The following RGS6 variants were observed in gnomAD, a reference collection of about 807,000 sequenced individuals.
RGS6 encodes the protein regulator of G-protein signaling 6.
RGS6 carries 30 observed loss-of-function variants against 78.5 expected under a neutral mutation model. That is an observed-to-expected ratio of 0.38 (90% CI 0.29 to 0.52). The LOEUF (loss-of-function observed/expected upper bound fraction) is 0.52, where lower values mean the gene tolerates loss of function less well. Ranked by LOEUF, RGS6 falls within the 20% of genes least tolerant of loss-of-function variation. The pLI, the probability that RGS6 is intolerant of heterozygous loss-of-function variation, is 0.85. For synonymous variants in RGS6, 206 were observed against 206.0 expected (o/e 1.00, Z 0.00); for missense variants, 495 against 609.7 (o/e 0.81, Z 1.98).
chr14:72,231,155 G>A (rs1243793099), intron 2 of RGS6, among the ~76,000 whole-genome samples: 1 of 152,196 alleles, frequency 6.6e-6, no homozygotes, highest in Non-Finnish European at 1.5e-5. Context: ...CCTCAGGGTT[G>A]TGGCTGGACT....
chr14:72,412,536 T>C (rs2093497024), intron 3 of RGS6, among the ~76,000 whole-genome samples: 1 of 152,214 alleles, frequency 6.6e-6, no homozygotes, highest in African/African-American at 2.4e-5. Context: ...TTCATTTATT[T>C]TTTTGAAGGG....
chr14:72,151,226 A>G (rs1408039953), intron 2 of RGS6, among the ~76,000 whole-genome samples: 3 of 152,164 alleles, frequency 2.0e-5, no homozygotes, highest in Non-Finnish European at 4.4e-5. Flanking sequence ...AGTCTCTGTT[A>G]TGGTAAATAG....
At chr14:72,403,444 C>G (rs1453579040) in intron 3 of RGS6, among the ~76,000 whole-genome samples, 3 of 152,070 alleles carry the variant, frequency 2.0e-5, no homozygotes, top group Non-Finnish European at 2.9e-5. Context: ...TTATTAGAAA[C>G]TGAGAAGGGT....
intron 3 of RGS6, among the ~76,000 whole-genome samples, chr14:72,430,155 A>G (rs900565875): frequency 6.6e-6 from 1 of 152,208 alleles, no homozygotes; most frequent in Non-Finnish European, 1.5e-5. Flanking sequence ...CAAAGTACAT[A>G]TAGCTCTCAA....
intron 12 of RGS6, among the ~76,000 whole-genome samples, chr14:72,490,591 A>G (rs996998876): frequency 7.2e-5 from 11 of 152,198 alleles, no homozygotes; most frequent in Admixed American, 2.6e-4. Flanking sequence ...TTCTATCACA[A>G]TGGTCCTGAG....
At chr14:71,967,507 A>G (rs1490068358) in intron 2 of RGS6, among the ~76,000 whole-genome samples, 2 of 152,316 alleles carry the variant, frequency 1.3e-5, no homozygotes, top group Non-Finnish European at 1.5e-5. Flanking sequence ...TGACAATTCA[A>G]AGCATTTTCT....
At chr14:71,875,274 T>C in the RGS6 span, among the ~76,000 whole-genome samples, 3 of 152,082 alleles carry the variant, frequency 2.0e-5, no homozygotes, top group African/African-American at 7.2e-5. Flanking sequence ...CATCTGGTCC[T>C]GGACTTTTTT....
chr14:72,306,435 A>G (rs2067260397), intron 2 of RGS6, among the ~76,000 whole-genome samples: 1 of 152,212 alleles, frequency 6.6e-6, no homozygotes, highest in African/African-American at 2.4e-5. Context: ...ATACTTTGTG[A>G]GGCTATAGCT....
At chr14:72,091,539 C>CT (rs760981515) in intron 2 of RGS6, among the ~76,000 whole-genome samples, 3 of 152,198 alleles carry the variant, frequency 2.0e-5, no homozygotes, top group Non-Finnish European at 4.4e-5. Flanking sequence ...CTGAGGTTGA[C>CT]TTTGAGAAGG....
At chr14:72,287,078 C>T (rs1306797476) in intron 2 of RGS6, among the ~76,000 whole-genome samples, 3 of 152,222 alleles carry the variant, frequency 2.0e-5, no homozygotes, top group Non-Finnish European at 4.4e-5. Flanking sequence ...ACTACCACAC[C>T]TGACCAGGAT....
Position 72,448,295 on chromosome 14 carries a change from G to A in RGS6, c.185-6233G>A, listed in dbSNP as rs79868501. On this transcript the variant is annotated intron_variant, in intron 3 of 17. Coordinates refer to ENST00000553525, the MANE Select transcript of RGS6 (RefSeq NM_001204424.2). ...AGCAAGTGAGTGTGAAATTTGCCACGCTTTTCCTTGGAAAAACTCAAGCCC... is the reference window on the plus strand; with the variant it reads ...AGCAAGTGAGTGTGAAATTTGCCACACTTTTCCTTGGAAAAACTCAAGCCC... Among the ~76,000 whole-genome samples the A allele has an allele frequency of 2.6e-3, 400 of 152,210 alleles. 2 individuals are homozygous for A. The highest frequency in any genetic ancestry group is 9.3e-3 in the African/African-American group (388 of 41,536).
At chr14:72,479,028 A>G (rs965863806) in intron 12 of RGS6, among the ~76,000 whole-genome samples, 11 of 152,230 alleles carry the variant, frequency 7.2e-5, no homozygotes, top group African/African-American at 2.7e-4. Flanking sequence ...TTATTCATCC[A>G]TATGCTACCG....
intron 2 of RGS6, among the ~76,000 whole-genome samples, chr14:71,987,625 A>G (rs1230366621): frequency 1.3e-5 from 2 of 151,830 alleles, no homozygotes; most frequent in Non-Finnish European, 2.9e-5. Flanking sequence ...CTGGGGCTTG[A>G]TCCTCCCGTC....
At chr14:71,888,854 T>C in the RGS6 span, among the ~76,000 whole-genome samples, 124 of 152,282 alleles carry the variant, frequency 8.1e-4, no homozygotes, top group Middle Eastern at 3.4e-3. Context: ...TTAGTGTTAT[T>C]CTTAAGCATT....
intron 17 of RGS6, chr14:72,552,771 C>T (rs2097525244): frequency 6.6e-6 from 1 of 152,166 alleles, no homozygotes; most frequent in African/African-American, 2.4e-5. Flanking sequence ...CTGGGGTGGG[C>T]ACTCCTACTG....
chr14:71,894,380 T>C, the RGS6 span, among the ~76,000 whole-genome samples: 66 of 152,352 alleles, frequency 4.3e-4, 1 homozygote, highest in East Asian at 5.6e-3. Context: ...TTGCAAAGTA[T>C]AGTAATTAAG....
At chr14:72,560,839 T>TGTGTGTGTGTGTGTGTGTG (rs202222579) in intron 17 of RGS6, among the ~76,000 whole-genome samples, 2 of 142,588 alleles carry the variant, frequency 1.4e-5, no homozygotes, top group Non-Finnish European at 3.0e-5. Context: ...TGTGTGTGTG[T>TGTGTGTGTGTGTGTGTGTG]TTAAGATGGG....
At chr14:71,992,507 G>T (rs1377249571) in intron 2 of RGS6, among the ~76,000 whole-genome samples, 4 of 152,218 alleles carry the variant, frequency 2.6e-5, no homozygotes, top group Non-Finnish European at 5.9e-5. Context: ...TGTAGTGTAG[G>T]TATTATTCTT....
chr14:72,293,763 C>G (rs898922419), intron 2 of RGS6, among the ~76,000 whole-genome samples: 9 of 152,178 alleles, frequency 5.9e-5, no homozygotes, highest in Admixed American at 1.3e-4. Flanking sequence ...CAGACATGGG[C>G]TAAGCCAAGG....
Sources: allele counts gnomAD v4.1 joint callset (sites outside exome capture counted in the v4.1 genomes callset), GRCh38; gene constraint gnomAD v4.1.1; transcripts MANE v1.5; gene names NCBI Gene and HGNC (gene_info 2026-07-23, HGNC 2026-07-21).